FBXW8: variants seen among roughly 807,000 people sequenced by gnomAD.
FBXW8 encodes F-box/WD repeat-containing protein 8.
A neutral mutation model predicts 65.3 loss-of-function variants in FBXW8; 57 were observed. The ratio of observed to expected loss-of-function variants is 0.87; its 90% CI spans 0.71 to 1.09. The LOEUF (loss-of-function observed/expected upper bound fraction) is 1.09, where lower values mean the gene tolerates loss of function less well. Ranked by LOEUF, FBXW8 falls within the 50% of genes least tolerant of loss-of-function variation. The probability of loss-of-function intolerance (pLI) is 0.00; values close to 1 mark genes in which losing one functional copy is unlikely to be tolerated. For missense variants in FBXW8, 777 were observed against 814.8 expected, an observed-to-expected ratio of 0.95 and a Z score of 0.57; for synonymous variants, 308 against 330.2, an observed-to-expected ratio of 0.93 and a Z score of 0.73.
At chr12:116,921,770 G>C (rs1354395956) in intron 1 of FBXW8, among the ~76,000 whole-genome samples, 1 of 145,590 alleles carries the variant, frequency 6.9e-6, no homozygotes, top group Non-Finnish European at 1.5e-5. Context: ...AAAGTCTTTA[G>C]TAATATAATT....
intron 8 of FBXW8, among the ~76,000 whole-genome samples, chr12:117,020,082 C>G (rs1251429183): frequency 1.3e-5 from 2 of 152,206 alleles, no homozygotes; most frequent in Non-Finnish European, 2.9e-5. Flanking sequence ...CCCCAGCACA[C>G]ACCTGTGCGC....
chr12:117,019,143 C>T (rs1005502437), intron 8 of FBXW8, among the ~76,000 whole-genome samples: 4 of 152,208 alleles, frequency 2.6e-5, no homozygotes, highest in African/African-American at 9.6e-5. Context: ...TCTTCAAGCT[C>T]TCTCTGCATC....
intron 5 of FBXW8, among the ~76,000 whole-genome samples, chr12:116,966,523 A>G (rs1371774273): frequency 6.6e-6 from 1 of 152,182 alleles, no homozygotes; most frequent in Non-Finnish European, 1.5e-5. Context: ...AATCCTGAAC[A>G]TAAAGACTCT....
chr12:116,995,211 G>A (rs534614402), intron 7 of FBXW8, among the ~76,000 whole-genome samples: 5 of 152,338 alleles, frequency 3.3e-5, no homozygotes, highest in South Asian at 2.1e-4. Flanking sequence ...GATCGGCAGC[G>A]TACGCGGACA....
At chr12:116,995,214 C>T (rs974207998) in intron 7 of FBXW8, among the ~76,000 whole-genome samples, 1 of 152,212 alleles carries the variant, frequency 6.6e-6, no homozygotes, top group Non-Finnish European at 1.5e-5. Context: ...CGGCAGCGTA[C>T]GCGGACATGC....
intron 6 of FBXW8, 115 bp from the exon 7 acceptor site, chr12:116,988,548 G>C: frequency 1.2e-6 from 1 of 852,500 alleles, no homozygotes; most frequent in Non-Finnish European, 2.0e-6. Context: ...TGTTTCATTT[G>C]CCCATCTTTT....
chr12:116,980,388 G>A (rs1303894391), intron 5 of FBXW8: 1 of 152,104 alleles, frequency 6.6e-6, no homozygotes, highest in African/African-American at 2.4e-5. Flanking sequence ...GTTTCAGTGG[G>A]TGTCTGTTTC....
At chr12:117,002,619 C>T (rs913408789) in intron 7 of FBXW8, 5 of 152,228 alleles carry the variant, frequency 3.3e-5, no homozygotes, top group African/African-American at 7.2e-5. Context: ...CCAAGCCTCA[C>T]GCTATGACTT....
rs1308366888 is a variant in FBXW8 at position 116,985,350 on chromosome 12, C to T, written c.980C>T (p.Pro327Leu). The T allele has an allele frequency of 1.2e-6, 2 of 1,614,136 alleles. No homozygotes were observed. The highest frequency in any genetic ancestry group is 2.2e-5 in the East Asian group (1 of 44,886). Residue 327 changes from proline (P) to leucine (L), a missense_variant, in exon 6 of 11, where the codon CCC becomes CTC. Physicochemically the swap from Pro to Leu is moderately conservative, Grantham distance 98. Transcript: ENST00000652555. ...ASAFDVVMLS[P>L]NEEGYWQIAA... ...GCTTTTGATGTCGTGATGTTATCCC[C>T]CAATGAGGAGGGGTACTGGCAGATA...
At chr12:116,916,914 G>GAGAC (rs1301909350) in intron 1 of FBXW8, among the ~76,000 whole-genome samples, 5 of 151,838 alleles carry the variant, frequency 3.3e-5, no homozygotes, top group South Asian at 2.1e-4. Flanking sequence ...GTGTGTGTGA[G>GAGAC]AGAGAGAGAG....
rs956674826 is a variant in FBXW8 at position 116,914,534 on chromosome 12, C to G, written c.318+3179C>G. The stretch of plus-strand genomic sequence containing the variant: ...GATGCAGTGAGCCGGGATCACACCA[C>G]TGCACTCCGGCCTAGGTGACAGAGC... On this transcript the variant is annotated intron_variant, in intron 1 of 10. Transcript: ENST00000652555. Among the ~76,000 whole-genome samples the G allele has an allele frequency of 4.2e-5, 6 of 141,356 alleles. No individual in the cohort carries two copies. In the East Asian group the frequency reaches 1.3e-3, roughly 30 times the overall value. The allele number at this position is 141,356 out of a possible 152,430, so 92.7% of individuals were successfully genotyped here. A position where few individuals can be genotyped will look rare whatever the true frequency, so the allele number is the denominator to read the frequency against.
chr12:117,019,210 C>T (rs1017004502), intron 8 of FBXW8, among the ~76,000 whole-genome samples: 2 of 152,170 alleles, frequency 1.3e-5, no homozygotes, highest in East Asian at 1.9e-4. Context: ...TTTGTAGCAA[C>T]GGACCTATTA....
At chr12:116,930,875 G>A (rs997710774) in intron 2 of FBXW8, among the ~76,000 whole-genome samples, 1 of 152,114 alleles carries the variant, frequency 6.6e-6, no homozygotes, top group Non-Finnish European at 1.5e-5. Context: ...TGGTACAATC[G>A]TAGCTCACTG....
intron 2 of FBXW8, among the ~76,000 whole-genome samples, chr12:116,944,797 T>A (rs1260816088): frequency 1.3e-5 from 2 of 152,238 alleles, no homozygotes; most frequent in Non-Finnish European, 2.9e-5. Flanking sequence ...TTTCTAGATC[T>A]AATCTTACAG....
intron 5 of FBXW8, chr12:116,977,414 T>A (rs1038357175): frequency 3.8e-4 from 58 of 152,214 alleles, no homozygotes; most frequent in African/African-American, 1.2e-3. Flanking sequence ...TATTTTTACT[T>A]TTGTTAGTGA....
At chr12:116,954,845 G>A (rs1406220880) in intron 4 of FBXW8, among the ~76,000 whole-genome samples, 1 of 152,118 alleles carries the variant, frequency 6.6e-6, no homozygotes, top group African/African-American at 2.4e-5. Flanking sequence ...CATAGTGAGA[G>A]CCCGTGCCTC....
intron 1 of FBXW8, among the ~76,000 whole-genome samples, chr12:116,921,411 ATTGT>A (rs1157932339): frequency 6.6e-6 from 1 of 152,156 alleles, no homozygotes; most frequent in Non-Finnish European, 1.5e-5. Flanking sequence ...TCTTTGTAGC[ATTGT>A]TTGTTTGGAG....
At chr12:116,989,936 G>A (rs1331225530) in intron 7 of FBXW8, among the ~76,000 whole-genome samples, 1 of 152,226 alleles carries the variant, frequency 6.6e-6, no homozygotes, top group Non-Finnish European at 1.5e-5. Context: ...TTGAGGCATG[G>A]TGCCTGGCAC....
chr12:117,027,243 C>G (rs1301388033), intron 9 of FBXW8, 151 bp from the exon 10 acceptor site: 1 of 652,510 alleles, frequency 1.5e-6, no homozygotes, highest in Non-Finnish European at 2.7e-6. Context: ...AGGTGAGACA[C>G]TGCTTCCATG....
Sources: gnomAD v4.1 joint callset for allele counts (sites outside exome capture counted in the v4.1 genomes callset) on GRCh38, gnomAD v4.1.1 for gene constraint, MANE v1.5 for transcripts, NCBI Gene and HGNC (gene_info 2026-07-23, HGNC 2026-07-21) for gene names.